Variants in PTPN4 observed in about 807,000 individuals in gnomAD.
The protein encoded by PTPN4 is tyrosine-protein phosphatase non-receptor type 4.
A neutral mutation model predicts 135.5 loss-of-function variants in PTPN4; 49 were observed. That is an observed-to-expected ratio of 0.36 (90% CI 0.29 to 0.46). The LOEUF is 0.46. PTPN4 is among the 20% of genes least tolerant of loss of function. The pLI is 1.00. For missense variants in PTPN4, 860 were observed against 1,101.0 expected (o/e 0.78, Z 3.10); for synonymous variants, 333 against 369.9 (o/e 0.90, Z 1.14).
At chr2:119,777,982 T>C (rs1479776444) in intron 1 of PTPN4, among the ~76,000 whole-genome samples, 1 of 151,960 alleles carries the variant, frequency 6.6e-6, no homozygotes, top group Non-Finnish European at 1.5e-5. Flanking sequence ...GAAGGAAGTA[T>C]AAAAACTCTA....
chr2:119,775,989 G>A (rs766850549), intron 1 of PTPN4, among the ~76,000 whole-genome samples: 9 of 152,100 alleles, frequency 5.9e-5, no homozygotes, highest in Non-Finnish European at 1.2e-4. Context: ...AGTACCAGAT[G>A]ATAAGCAAGA....
At chr2:119,829,761 A>T (rs1677193842) in intron 2 of PTPN4, among the ~76,000 whole-genome samples, 1 of 152,124 alleles carries the variant, frequency 6.6e-6, no homozygotes, top group South Asian at 2.1e-4. Flanking sequence ...TACTTATGTG[A>T]TTAATGTTGC....
chr2:119,951,637 G>T (rs558980650), intron 18 of PTPN4, among the ~76,000 whole-genome samples: 1 of 152,264 alleles, frequency 6.6e-6, no homozygotes, highest in South Asian at 2.1e-4. Context: ...GGGGACTGCT[G>T]TTATTTAATT....
chr2:119,858,371 AT>A (rs1558747042), intron 2 of PTPN4, among the ~76,000 whole-genome samples: 1 of 151,916 alleles, frequency 6.6e-6, no homozygotes, highest in Admixed American at 6.6e-5. Context: ...AGTTTTTAGT[AT>A]TTTGATTATG....
chr2:119,852,230 T>G (rs868567850), intron 2 of PTPN4, among the ~76,000 whole-genome samples: 1 of 152,220 alleles, frequency 6.6e-6, no homozygotes, highest in Non-Finnish European at 1.5e-5. Context: ...TCTTGCAGAT[T>G]GCGCGTTTAC....
At chr2:119,919,486 C>T (rs552381978) in intron 11 of PTPN4, among the ~76,000 whole-genome samples, 10 of 152,236 alleles carry the variant, frequency 6.6e-5, no homozygotes, top group Non-Finnish European at 1.2e-4. Context: ...AGTTTGAACT[C>T]ATTTCTAACT....
chr2:119,771,401 G>T (rs1363263085), intron 1 of PTPN4: 1 of 152,140 alleles, frequency 6.6e-6, no homozygotes, highest in Non-Finnish European at 1.5e-5. Flanking sequence ...GTGCAGATCT[G>T]TATCTGTTCT....
chr2:119,833,361 T>C (rs1412508510), intron 2 of PTPN4, among the ~76,000 whole-genome samples: 2 of 152,200 alleles, frequency 1.3e-5, no homozygotes, highest in African/African-American at 4.8e-5. Flanking sequence ...TCTAATGGTC[T>C]CTTGGTGTAT....
At chr2:119,786,081 TCTC>T (rs1691042987) in intron 1 of PTPN4, among the ~76,000 whole-genome samples, 2 of 152,248 alleles carry the variant, frequency 1.3e-5, no homozygotes, top group South Asian at 2.1e-4. Flanking sequence ...AAATTACACT[TCTC>T]CTCCTTTCAT....
intron 18 of PTPN4, among the ~76,000 whole-genome samples, chr2:119,950,524 A>G (rs2105051205): frequency 6.6e-6 from 1 of 152,374 alleles, no homozygotes; most frequent in South Asian, 2.1e-4. Context: ...GAAGCAGCAG[A>G]GTAACTTCTA....
At chr2:119,884,929 G>A in intron 8 of PTPN4, among the ~76,000 whole-genome samples, 1 of 152,102 alleles carries the variant, frequency 6.6e-6, no homozygotes, top group East Asian at 1.9e-4. Flanking sequence ...CTCTGCTGTA[G>A]TCTGATAATA....
chr2:119,785,118 T>A (rs1558724790), intron 1 of PTPN4, among the ~76,000 whole-genome samples: 1 of 152,212 alleles, frequency 6.6e-6, no homozygotes, highest in Non-Finnish European at 1.5e-5. Context: ...CTGGCGTCTC[T>A]GCACTGGAGC....
At chr2:119,876,063 G>A (rs1249539814) in intron 3 of PTPN4, among the ~76,000 whole-genome samples, 1 of 152,144 alleles carries the variant, frequency 6.6e-6, no homozygotes, top group Admixed American at 6.5e-5. Flanking sequence ...AGGGAAGCTT[G>A]AAATTGAGGG....
chr2:119,956,271 C>T (rs1679281125), intron 20 of PTPN4, among the ~76,000 whole-genome samples: 1 of 118,554 alleles, frequency 8.4e-6, no homozygotes, highest in Non-Finnish European at 1.7e-5. Flanking sequence ...GAGAAGCGGC[C>T]TCTCACTATG....
chr2:119,852,337 G>T (rs946041536), intron 2 of PTPN4, among the ~76,000 whole-genome samples: 3 of 152,242 alleles, frequency 2.0e-5, no homozygotes, highest in Non-Finnish European at 4.4e-5. Context: ...AGAAACAGGA[G>T]CTGTGTTAGG....
intron 2 of PTPN4, among the ~76,000 whole-genome samples, chr2:119,848,757 C>G (rs923170094): frequency 6.6e-6 from 1 of 151,912 alleles, no homozygotes; most frequent in Non-Finnish European, 1.5e-5. Context: ...CATGCCACCA[C>G]GCCTAGCTAG....
At chr2:119,964,123 T>C (rs1679411049) in intron 24 of PTPN4, among the ~76,000 whole-genome samples, 1 of 152,238 alleles carries the variant, frequency 6.6e-6, no homozygotes, top group African/African-American at 2.4e-5. Flanking sequence ...TAAATGGCAA[T>C]AACCATAGTT....
At chr2:119,940,944 C>G (rs983128327) in intron 15 of PTPN4, among the ~76,000 whole-genome samples, 1 of 152,056 alleles carries the variant, frequency 6.6e-6, no homozygotes, top group Non-Finnish European at 1.5e-5. Context: ...TTCCAGCTCC[C>G]TTCCTTAAAG....
chr2:119,821,091 T>C (rs1255218645), intron 2 of PTPN4, among the ~76,000 whole-genome samples: 2 of 141,794 alleles, frequency 1.4e-5, no homozygotes, highest in African/African-American at 5.4e-5. Context: ...ATTCTATCCA[T>C]AATTTTTTTT....
Sources: allele counts gnomAD v4.1 joint callset (sites outside exome capture counted in the v4.1 genomes callset), GRCh38; gene constraint gnomAD v4.1.1; transcripts MANE v1.5; gene names NCBI Gene and HGNC (gene_info 2026-07-23, HGNC 2026-07-21).